The following LOC128092252 variants were observed in gnomAD, a reference collection of about 807,000 sequenced individuals.
At chr15:50,685,323 G>A in the LOC128092252 span, among the ~76,000 whole-genome samples, 1 of 152,208 alleles carries the variant, frequency 6.6e-6, no homozygotes, top group East Asian at 1.9e-4. Flanking sequence ...AATTAGCCGG[G>A]CATGGTGGCT....
chr15:50,654,232 G>T, the LOC128092252 span, among the ~76,000 whole-genome samples: 1 of 151,646 alleles, frequency 6.6e-6, no homozygotes, highest in Non-Finnish European at 1.5e-5. Context: ...GATCACCTGA[G>T]GTCAGGAGTT....
chr15:50,654,322 C>T, the LOC128092252 span, among the ~76,000 whole-genome samples: 1 of 151,150 alleles, frequency 6.6e-6, no homozygotes, highest in Non-Finnish European at 1.5e-5. Flanking sequence ...TGGTGTGCGC[C>T]TGTAATCCCA....
At chr15:50,686,229 C>T in the LOC128092252 span, among the ~76,000 whole-genome samples, 1 of 152,234 alleles carries the variant, frequency 6.6e-6, no homozygotes, top group African/African-American at 2.4e-5. Context: ...CTCAGCTGAG[C>T]CCAGCCAGGT....
At chr15:50,666,397 T>C in the LOC128092252 span, among the ~76,000 whole-genome samples, 1 of 151,658 alleles carries the variant, frequency 6.6e-6, no homozygotes, top group Non-Finnish European at 1.5e-5. Context: ...GCTGTGATCA[T>C]GCCACCGTAC....
At chr15:50,664,749 C>T in the LOC128092252 span, among the ~76,000 whole-genome samples, 2 of 152,084 alleles carry the variant, frequency 1.3e-5, no homozygotes, top group Non-Finnish European at 2.9e-5. Flanking sequence ...TGGCTTGAGT[C>T]TGTGAGTTCA....
At chr15:50,652,236 G>A in the LOC128092252 span, among the ~76,000 whole-genome samples, 1 of 148,174 alleles carries the variant, frequency 6.7e-6, no homozygotes, top group Non-Finnish European at 1.5e-5. Flanking sequence ...AGGAGGCTGA[G>A]GCATGAAAAT....
the LOC128092252 span, among the ~76,000 whole-genome samples, chr15:50,661,399 C>T: frequency 1.3e-5 from 2 of 152,064 alleles, no homozygotes; most frequent in African/African-American, 4.8e-5. Context: ...AATAAAGCCA[C>T]CAAATGTTAT....
chr15:50,656,178 G>GA, the LOC128092252 span, among the ~76,000 whole-genome samples: 1 of 151,938 alleles, frequency 6.6e-6, no homozygotes, highest in African/African-American at 2.4e-5. Context: ...CTAAATAAAA[G>GA]AAACTCTTTG....
At chr15:50,653,155 C>G in the LOC128092252 span, among the ~76,000 whole-genome samples, 3 of 151,858 alleles carry the variant, frequency 2.0e-5, no homozygotes, top group Non-Finnish European at 2.9e-5. Flanking sequence ...CCACTCCCCC[C>G]AAAAAGAAAA....
chr15:50,679,539 T>TATATATATA, the LOC128092252 span, among the ~76,000 whole-genome samples: 2 of 22,302 alleles, frequency 9.0e-5, no homozygotes, highest in African/African-American at 2.1e-4. Flanking sequence ...TATATATATA[T>TATATATATA]TTTTTTTTTT....
the LOC128092252 span, among the ~76,000 whole-genome samples, chr15:50,679,198 G>T: frequency 1.5e-5 from 2 of 134,850 alleles, no homozygotes; most frequent in African/African-American, 3.0e-5. Context: ...TAGCCAGGTT[G>T]GTGGTATGGG....
the LOC128092252 span, among the ~76,000 whole-genome samples, chr15:50,682,803 G>C: frequency 6.6e-6 from 1 of 151,916 alleles, no homozygotes; most frequent in Non-Finnish European, 1.5e-5. Flanking sequence ...TCTTTTTACT[G>C]ATTCACATAA....
the LOC128092252 span, among the ~76,000 whole-genome samples, chr15:50,669,040 T>C: frequency 6.6e-6 from 1 of 152,164 alleles, no homozygotes; most frequent in East Asian, 1.9e-4. Context: ...AGAATGTCAC[T>C]TTTTGACAGG....
At chr15:50,662,332 A>C in the LOC128092252 span, among the ~76,000 whole-genome samples, 1 of 152,036 alleles carries the variant, frequency 6.6e-6, no homozygotes, top group Admixed American at 6.6e-5. Flanking sequence ...GTTCCAAAAA[A>C]AAAAAAAAGG....
the LOC128092252 span, among the ~76,000 whole-genome samples, chr15:50,685,268 A>G: frequency 6.6e-6 from 1 of 152,230 alleles, no homozygotes; most frequent in African/African-American, 2.4e-5. Flanking sequence ...TTAAGAGACG[A>G]GCCTGCCAAA....
chr15:50,665,865 C>T, the LOC128092252 span, among the ~76,000 whole-genome samples: 5 of 151,990 alleles, frequency 3.3e-5, no homozygotes, highest in Admixed American at 2.0e-4. Context: ...TTGTGGTGGG[C>T]ACCTGTAATC....
chr15:50,681,408 T>C, the LOC128092252 span, among the ~76,000 whole-genome samples: 13 of 152,334 alleles, frequency 8.5e-5, no homozygotes, highest in South Asian at 1.5e-3. Flanking sequence ...GTACTGGGTA[T>C]GATAAATTAG....
At chr15:50,686,626 G>C in the LOC128092252 span, 5 of 1,536,498 alleles carry the variant, frequency 3.3e-6, no homozygotes, top group Non-Finnish European at 4.4e-6. Context: ...CTCCGGAGGC[G>C]GCAGCAGAGG....
At chr15:50,654,212 A>G in the LOC128092252 span, among the ~76,000 whole-genome samples, 1 of 151,900 alleles carries the variant, frequency 6.6e-6, no homozygotes, top group Non-Finnish European at 1.5e-5. Flanking sequence ...TTGGGAGGCC[A>G]AGGCGGGCGG....
Sources: allele counts gnomAD v4.1 joint callset (sites outside exome capture counted in the v4.1 genomes callset), GRCh38; gene constraint gnomAD v4.1.1; transcripts MANE v1.5.